LARGE1: variants seen among roughly 807,000 people sequenced by gnomAD.
LARGE1 encodes the protein LARGE xylosyl- and glucuronyltransferase 1, also known as xylosyl- and glucuronyltransferase LARGE1.
In LARGE1, 43 loss-of-function variants were observed where a neutral mutation model predicts 87.6. That is an observed-to-expected ratio of 0.49 (90% CI 0.38 to 0.63). The LOEUF is 0.63. Ranked by LOEUF, LARGE1 falls within the 30% of genes least tolerant of loss-of-function variation. The pLI is 0.00. For missense variants in LARGE1, 802 were observed against 1,000.2 expected, an observed-to-expected ratio of 0.80 and a Z score of 2.67; for synonymous variants, 434 against 394.6, an observed-to-expected ratio of 1.10 and a Z score of -1.18.
rs9619383 is a variant in LARGE1 at position 33,886,122 on chromosome 22, C to T, written c.-83+33873G>A. On this transcript the variant is annotated intron_variant, in intron 1 of 14. Transcript: ENST00000397394. ...CTCCTGTGAGCATCTCAGGTAACCA[C>T]GCAGCCAAGCTGAGGTGCAGGCTAG... Among the ~76,000 whole-genome samples the T allele has an allele frequency of 5.4e-3, 821 of 152,276 alleles. 10 individuals are homozygous for T. Among genetic ancestry groups the T allele is most frequent in the African/African-American group, 0.019 (779 of 41,550 alleles).
intron 2 of LARGE1, among the ~76,000 whole-genome samples, chr22:33,673,279 A>C (rs1468183006): frequency 6.6e-6 from 1 of 152,134 alleles, no homozygotes. Flanking sequence ...TCTGTCTCAA[A>C]AAAAATTCTC....
At chr22:33,812,613 C>T (rs2086531766) in intron 1 of LARGE1, among the ~76,000 whole-genome samples, 1 of 152,222 alleles carries the variant, frequency 6.6e-6, no homozygotes, top group African/African-American at 2.4e-5. Flanking sequence ...TGGCGCAGGC[C>T]TCACCAGGCC....
chr22:33,085,743 C>A, the LARGE1 span, among the ~76,000 whole-genome samples: 1 of 152,162 alleles, frequency 6.6e-6, no homozygotes, highest in South Asian at 2.1e-4. Flanking sequence ...AGCAAATTCT[C>A]ATACTGGTCT....
At chr22:33,319,675 C>A (rs1444867803) in intron 10 of LARGE1, among the ~76,000 whole-genome samples, 1 of 152,172 alleles carries the variant, frequency 6.6e-6, no homozygotes, top group African/African-American at 2.4e-5. Context: ...AGATTACAGG[C>A]GTGAGCTACC....
At chr22:33,525,799 G>T (rs903146206) in intron 6 of LARGE1, among the ~76,000 whole-genome samples, 1 of 152,188 alleles carries the variant, frequency 6.6e-6, no homozygotes, top group Non-Finnish European at 1.5e-5. Flanking sequence ...CAGCGGATTG[G>T]TATTCTTAGC....
chr22:33,804,834 GC>G, intron 1 of LARGE1, among the ~76,000 whole-genome samples: 1 of 152,260 alleles, frequency 6.6e-6, no homozygotes, highest in Non-Finnish European at 1.5e-5. Context: ...GCATTTTCTA[GC>G]TGATCCCAGT....
intron 1 of LARGE1, among the ~76,000 whole-genome samples, chr22:33,820,705 G>A (rs2086791401): frequency 6.6e-6 from 1 of 152,074 alleles, no homozygotes; most frequent in South Asian, 2.1e-4. Flanking sequence ...CAATTATATT[G>A]CCAGGCCCTA....
At chr22:33,155,537 G>A in the LARGE1 span, among the ~76,000 whole-genome samples, 1 of 152,112 alleles carries the variant, frequency 6.6e-6, no homozygotes. Flanking sequence ...GTTTCTGGTG[G>A]AAGAAATTTC....
intron 11 of LARGE1, among the ~76,000 whole-genome samples, chr22:33,307,390 G>T (rs541580305): frequency 6.6e-6 from 1 of 152,160 alleles, no homozygotes; most frequent in Admixed American, 6.6e-5. Context: ...TATGGATTGG[G>T]GTTAGGCTGA....
chr22:33,649,122 C>A (rs2080712841), intron 3 of LARGE1, among the ~76,000 whole-genome samples: 2 of 152,164 alleles, frequency 1.3e-5, no homozygotes, highest in African/African-American at 4.8e-5. Context: ...GTCGGATGCT[C>A]TCTACCTCTC....
In LARGE1 at chr22:33,560,061, G is replaced by C. The variant is rs537005445; in HGVS notation, c.787+4787C>G. The stretch of plus-strand genomic sequence containing the variant: ...CCTCTTCAAGGGAAAGGAGGGTGCA[G>C]AGTAAAGAGGACTGGATTCAAAGTT... On this transcript the variant is annotated intron_variant, in intron 6 of 14. Transcript: ENST00000397394. Among the ~76,000 whole-genome samples, 8 of 152,258 alleles carry C rather than the reference G, an allele frequency of 5.3e-5. No individual in the cohort carries two copies. The East Asian group carries it at 1.5e-3, about 29-fold the overall frequency.
chr22:33,261,235 G>T (rs1279445444), intron 11 of LARGE1, among the ~76,000 whole-genome samples: 1 of 152,208 alleles, frequency 6.6e-6, no homozygotes, highest in Non-Finnish European at 1.5e-5. Flanking sequence ...TATTGTGACA[G>T]CTAGAGGCTT....
chr22:33,769,491 T>C (rs558435860), intron 1 of LARGE1, among the ~76,000 whole-genome samples: 28 of 152,150 alleles, frequency 1.8e-4, no homozygotes, highest in Admixed American at 5.9e-4. Context: ...AATCAATAAA[T>C]ATTTATTGAA....
At chr22:33,130,783 C>T in the LARGE1 span, among the ~76,000 whole-genome samples, 2 of 151,984 alleles carry the variant, frequency 1.3e-5, no homozygotes, top group African/African-American at 4.8e-5. Context: ...TGGTGGCTCA[C>T]GCTTGTAATC....
At chr22:33,731,326 G>T (rs924364627) in intron 2 of LARGE1, among the ~76,000 whole-genome samples, 3 of 152,094 alleles carry the variant, frequency 2.0e-5, no homozygotes, top group Non-Finnish European at 4.4e-5. Context: ...TAAGTAGAAT[G>T]ACCCGAGAGA....
At chr22:33,912,776 G>GAAA (rs5845123) in intron 1 of LARGE1, among the ~76,000 whole-genome samples, 5 of 137,984 alleles carry the variant, frequency 3.6e-5, no homozygotes, top group African/African-American at 5.3e-5. Flanking sequence ...GAACAACAAT[G>GAAA]AAAAAAAAAA....
At chr22:33,077,515 G>T in the LARGE1 span, among the ~76,000 whole-genome samples, 1 of 152,106 alleles carries the variant, frequency 6.6e-6, no homozygotes, top group Non-Finnish European at 1.5e-5. Flanking sequence ...GGATATGAAA[G>T]GGGCATTTTC....
the LARGE1 span, among the ~76,000 whole-genome samples, chr22:33,093,425 T>C: frequency 1.3e-5 from 2 of 152,192 alleles, no homozygotes; most frequent in African/African-American, 4.8e-5. Context: ...CCAGTAATGC[T>C]TATATATCCT....
At chr22:33,555,982 ATCACTC>A (rs1272455207) in intron 6 of LARGE1, among the ~76,000 whole-genome samples, 1 of 151,080 alleles carries the variant, frequency 6.6e-6, no homozygotes, top group African/African-American at 2.4e-5. Flanking sequence ...TTCTGTCTGT[ATCACTC>A]TCTCTAATCT....
Sources: allele counts gnomAD v4.1 joint callset (sites outside exome capture counted in the v4.1 genomes callset), GRCh38; gene constraint gnomAD v4.1.1; transcripts MANE v1.5; gene names NCBI Gene and HGNC (gene_info 2026-07-23, HGNC 2026-07-21).